GRID1: variants seen among roughly 807,000 people sequenced by gnomAD.
GRID1 encodes glutamate receptor ionotropic, delta-1.
GRID1 carries 28 observed loss-of-function variants against 98.0 expected under a neutral mutation model. The observed-to-expected ratio is 0.29, with a 90% confidence interval of 0.21 to 0.39. GRID1 has a LOEUF of 0.39. Among genes scored for constraint, GRID1 ranks in the 10% least tolerant of loss-of-function variants. The pLI is 1.00. For synonymous variants in GRID1, 553 were observed against 538.5 expected (o/e 1.03, Z -0.37); for missense variants, 1,111 against 1,340.5 (o/e 0.83, Z 2.67).
chr10:86,032,857 CCTT>C (rs991751812), intron 4 of GRID1, among the ~76,000 whole-genome samples: 2 of 149,414 alleles, frequency 1.3e-5, no homozygotes, highest in African/African-American at 4.9e-5. Flanking sequence ...AAGAGTACCT[CCTT>C]GATACCAGCT....
At chr10:85,613,687 C>G (rs1842758895) in intron 14 of GRID1, 40 bp from the exon 15 acceptor site, 14 of 1,587,996 alleles carry the variant, frequency 8.8e-6, no homozygotes, top group Non-Finnish European at 1.2e-5. Flanking sequence ...CCACTGACGT[C>G]ATCAACTCAG....
intron 4 of GRID1, among the ~76,000 whole-genome samples, chr10:86,085,599 G>C (rs1264597897): frequency 1.3e-5 from 2 of 152,116 alleles, no homozygotes; most frequent in Non-Finnish European, 2.9e-5. Context: ...AGTAAATAAA[G>C]TTGAGTCTTC....
chr10:85,882,575 G>A (rs1589286508), intron 5 of GRID1, among the ~76,000 whole-genome samples: 1 of 152,182 alleles, frequency 6.6e-6, no homozygotes, highest in East Asian at 1.9e-4. Context: ...TGAACAATGA[G>A]AACACATGGA....
At chr10:85,919,891 G>A (rs998668650) in intron 4 of GRID1, among the ~76,000 whole-genome samples, 4 of 152,050 alleles carry the variant, frequency 2.6e-5, no homozygotes, top group Admixed American at 6.6e-5. Context: ...TGTGAATCCT[G>A]TTAGCATTTT....
At chr10:86,084,621 A>T (rs1233266021) in intron 4 of GRID1, among the ~76,000 whole-genome samples, 1 of 152,236 alleles carries the variant, frequency 6.6e-6, no homozygotes, top group Non-Finnish European at 1.5e-5. Context: ...TAGCTAAAAC[A>T]ACTCAAGTGT....
At chr10:86,314,834 T>G (rs1002681508) in intron 2 of GRID1, among the ~76,000 whole-genome samples, 3 of 152,160 alleles carry the variant, frequency 2.0e-5, no homozygotes, top group Non-Finnish European at 2.9e-5. Context: ...TGAGACCTAC[T>G]GCAGGAGCAT....
intron 8 of GRID1, among the ~76,000 whole-genome samples, chr10:85,851,745 G>A (rs186545384): frequency 8.3e-4 from 126 of 152,010 alleles, no homozygotes; most frequent in African/African-American, 2.8e-3. Context: ...CTGCCCAGTC[G>A]GCTCCTCTAG....
intron 4 of GRID1, among the ~76,000 whole-genome samples, chr10:85,993,487 G>A (rs1842706026): frequency 6.6e-6 from 1 of 152,218 alleles, no homozygotes; most frequent in Non-Finnish European, 1.5e-5. Context: ...GAAGCAATTA[G>A]TGTTGGAAAC....
At chr10:86,281,694 G>A (rs1160491015) in intron 2 of GRID1, among the ~76,000 whole-genome samples, 1 of 152,058 alleles carries the variant, frequency 6.6e-6, no homozygotes, top group Non-Finnish European at 1.5e-5. Flanking sequence ...AGTAGTCCTA[G>A]GCCTTCATTG....
intron 12 of GRID1, among the ~76,000 whole-genome samples, chr10:85,703,540 G>GA (rs1564564845): frequency 6.6e-6 from 1 of 151,640 alleles, no homozygotes; most frequent in South Asian, 2.1e-4. Context: ...AGGAGAGGAG[G>GA]AAAAAAGGTA....
chr10:85,675,027 T>C (rs1422417136), intron 12 of GRID1, among the ~76,000 whole-genome samples: 2 of 152,198 alleles, frequency 1.3e-5, no homozygotes, highest in East Asian at 3.9e-4. Context: ...CACAGCTGTT[T>C]TGGAGAAGAT....
chr10:85,867,679 A>G (rs1413894585), intron 6 of GRID1, among the ~76,000 whole-genome samples: 1 of 152,250 alleles, frequency 6.6e-6, no homozygotes, highest in East Asian at 1.9e-4. Context: ...TCGGGTGTCC[A>G]GGGCTCTTGA....
At chr10:85,680,069 G>A (rs2132595259) in intron 12 of GRID1, among the ~76,000 whole-genome samples, 1 of 152,232 alleles carries the variant, frequency 6.6e-6, no homozygotes, top group Non-Finnish European at 1.5e-5. Context: ...TGATGCCCAA[G>A]GCTTCCTCCA....
In GRID1 at chr10:86,132,886, G is replaced by A. The variant is rs538050631; in HGVS notation, c.726+5933C>T. On this transcript the variant is annotated intron_variant, in intron 4 of 15. Coordinates refer to ENST00000327946, the MANE Select transcript of GRID1 (RefSeq NM_017551.3). ...ATGCCTGGGAAGCCAATCTGGGAGAGGTGTTGGGAGTGGCCCCTTCCACCT... is the reference window on the plus strand; with the variant it reads ...ATGCCTGGGAAGCCAATCTGGGAGAAGTGTTGGGAGTGGCCCCTTCCACCT... Among the ~76,000 whole-genome samples the A allele has an allele frequency of 1.1e-4, 17 of 152,316 alleles. No homozygotes were observed. In the South Asian group the frequency reaches 2.3e-3, roughly 20 times the overall value.
intron 3 of GRID1, among the ~76,000 whole-genome samples, chr10:86,193,352 A>G (rs548085744): frequency 6.6e-6 from 1 of 152,236 alleles, no homozygotes; most frequent in Admixed American, 6.5e-5. Flanking sequence ...TGAATGTTTG[A>G]TTCCCTTCCT....
chr10:85,616,778 G>A (rs1657617703), intron 14 of GRID1, among the ~76,000 whole-genome samples: 1 of 152,182 alleles, frequency 6.6e-6, no homozygotes, highest in Non-Finnish European at 1.5e-5. Context: ...GGAAGCCAGA[G>A]GGATAATAGC....
In GRID1 at chr10:85,657,699, G is replaced by A. The variant is rs142988785; in HGVS notation, c.1998-10302C>T. Among the ~76,000 whole-genome samples, 775 of 152,256 alleles carry A rather than the reference G, an allele frequency of 5.1e-3. 7 individuals carry two copies. The highest frequency in any genetic ancestry group is 0.017 in the African/African-American group (709 of 41,540). On this transcript the variant is annotated intron_variant, in intron 12 of 15. Transcript: ENST00000327946. ...GCCAGGAGGCACAGCACAAAGCTAC[G>A]TGGGTCCAGGCTGCCCAGGAACAGA...
chr10:85,669,118 C>T (rs1841056262), intron 12 of GRID1, among the ~76,000 whole-genome samples: 2 of 152,224 alleles, frequency 1.3e-5, no homozygotes, highest in Non-Finnish European at 2.9e-5. Context: ...GTGGCCCAAA[C>T]CAGGCCTGAC....
At chr10:86,024,327 T>G (rs1215084705) in intron 4 of GRID1, among the ~76,000 whole-genome samples, 2 of 152,098 alleles carry the variant, frequency 1.3e-5, no homozygotes, top group Non-Finnish European at 2.9e-5. Flanking sequence ...AGCAAGATAA[T>G]AAGGTAGCCA....
Sources: allele counts gnomAD v4.1 joint callset (sites outside exome capture counted in the v4.1 genomes callset), GRCh38; gene constraint gnomAD v4.1.1; transcripts MANE v1.5; gene names NCBI Gene and HGNC (gene_info 2026-07-23, HGNC 2026-07-21).